The following MGAT4C variants were observed in gnomAD, a reference collection of about 807,000 sequenced individuals.
MGAT4C encodes the protein MGAT4 family member C.
A neutral mutation model predicts 40.1 loss-of-function variants in MGAT4C; 19 were observed. The observed-to-expected ratio is 0.47, with a 90% confidence interval of 0.33 to 0.70. The LOEUF (loss-of-function observed/expected upper bound fraction) is 0.70, where lower values mean the gene tolerates loss of function less well. MGAT4C is among the 30% of genes least tolerant of loss of function. MGAT4C has a pLI of 0.02. For synonymous variants in MGAT4C, 181 were observed against 187.1 expected (o/e 0.97, Z 0.27); for missense variants, 491 against 563.2 (o/e 0.87, Z 1.30).
At chr12:86,429,719 A>AT (rs1956996777) in intron 3 of MGAT4C, among the ~76,000 whole-genome samples, 1 of 151,506 alleles carries the variant, frequency 6.6e-6, no homozygotes, top group Non-Finnish European at 1.5e-5. Flanking sequence ...CTTGTCCTTG[A>AT]TTTTTTATTG....
chr12:86,415,519 ATTGTT>A (rs920910859), intron 3 of MGAT4C, among the ~76,000 whole-genome samples: 1 of 151,996 alleles, frequency 6.6e-6, no homozygotes, highest in African/African-American at 2.4e-5. Flanking sequence ...TGCAGTCTGT[ATTGTT>A]AGGACTTTGA....
intron 1 of MGAT4C, among the ~76,000 whole-genome samples, chr12:86,132,520 G>A (rs1331466857): frequency 1.3e-5 from 2 of 152,042 alleles, no homozygotes; most frequent in African/African-American, 4.8e-5. Flanking sequence ...ACGGCTGGGC[G>A]CGGTGGCTCA....
chr12:86,175,775 C>A (rs1037762715), intron 1 of MGAT4C, among the ~76,000 whole-genome samples: 7 of 114,188 alleles, frequency 6.1e-5, no homozygotes, highest in Non-Finnish European at 1.2e-4. Flanking sequence ...CATGGTGAAA[C>A]CCCGTCTCTA....
intron 1 of MGAT4C, chr12:86,068,584 G>A (rs1435479575): frequency 6.8e-6 from 1 of 147,050 alleles, no homozygotes; most frequent in Non-Finnish European, 1.5e-5. Flanking sequence ...ATAAATATAA[G>A]CATAGCATAT....
At chr12:86,574,960 T>C (rs1960502841) in intron 2 of MGAT4C, among the ~76,000 whole-genome samples, 1 of 151,802 alleles carries the variant, frequency 6.6e-6, no homozygotes, top group Non-Finnish European at 1.5e-5. Context: ...TATACCAGTA[T>C]GCTAAATCAG....
intron 1 of MGAT4C, among the ~76,000 whole-genome samples, chr12:86,763,578 AAAT>A (rs1951443328): frequency 6.6e-6 from 1 of 152,202 alleles, no homozygotes; most frequent in African/African-American, 2.4e-5. Context: ...TACTATACAA[AAAT>A]AATTCATAAT....
At chr12:86,351,327 G>C (rs1955156673) in intron 3 of MGAT4C, among the ~76,000 whole-genome samples, 1 of 151,998 alleles carries the variant, frequency 6.6e-6, no homozygotes, top group Non-Finnish European at 1.5e-5. Context: ...AATAAGTAGA[G>C]ATGGTAGTAG....
chr12:86,745,334 AC>A (rs1448951958), intron 1 of MGAT4C, among the ~76,000 whole-genome samples: 50 of 151,680 alleles, frequency 3.3e-4, no homozygotes, highest in Non-Finnish European at 3.0e-5. Flanking sequence ...TGGAGAATGA[AC>A]AAATTTCTGT....
At chr12:86,762,842 T>C (rs189058987) in intron 1 of MGAT4C, among the ~76,000 whole-genome samples, 4 of 152,322 alleles carry the variant, frequency 2.6e-5, no homozygotes, top group East Asian at 1.9e-4. Flanking sequence ...AAGAGCCATA[T>C]TGATGATGCT....
At chr12:86,283,083 A>G (rs2136120075) in intron 4 of MGAT4C, among the ~76,000 whole-genome samples, 1 of 152,080 alleles carries the variant, frequency 6.6e-6, no homozygotes. Flanking sequence ...CATACCTTCC[A>G]TTGGCAATTA....
intron 2 of MGAT4C, among the ~76,000 whole-genome samples, chr12:86,529,358 A>G (rs1360184831): frequency 1.3e-5 from 2 of 152,068 alleles, no homozygotes; most frequent in Admixed American, 1.3e-4. Flanking sequence ...GTGAGTAAGC[A>G]CCAGTATGAG....
chr12:86,488,751 G>T (rs760005332), intron 2 of MGAT4C, among the ~76,000 whole-genome samples: 1 of 152,054 alleles, frequency 6.6e-6, no homozygotes, highest in Non-Finnish European at 1.5e-5. Flanking sequence ...TTAACATTAA[G>T]ATATATCAGA....
chr12:86,594,481 G>C (rs1961454375), intron 2 of MGAT4C, among the ~76,000 whole-genome samples: 1 of 152,088 alleles, frequency 6.6e-6, no homozygotes, highest in Non-Finnish European at 1.5e-5. Context: ...GCTAAAAGTG[G>C]AATTCTCCTT....
intron 2 of MGAT4C, among the ~76,000 whole-genome samples, chr12:86,704,813 T>C (rs1383305959): frequency 6.6e-6 from 1 of 152,186 alleles, no homozygotes; most frequent in Non-Finnish European, 1.5e-5. Flanking sequence ...CTACTAAGAC[T>C]TAAATGCTTC....
chr12:86,806,155 AAT>A (rs1952348858), intron 1 of MGAT4C, among the ~76,000 whole-genome samples: 1 of 151,840 alleles, frequency 6.6e-6, no homozygotes, highest in South Asian at 2.1e-4. Flanking sequence ...CAATGTATAG[AAT>A]ATATATATTC....
intron 2 of MGAT4C, among the ~76,000 whole-genome samples, chr12:86,474,013 C>G (rs548221260): frequency 3.9e-5 from 6 of 152,150 alleles, no homozygotes; most frequent in African/African-American, 1.4e-4. Flanking sequence ...CCATACTCCC[C>G]TCTGACCCTC....
chr12:86,510,046 C>G (rs1304559345), intron 2 of MGAT4C, among the ~76,000 whole-genome samples: 1 of 152,026 alleles, frequency 6.6e-6, no homozygotes, highest in Admixed American at 6.6e-5. Flanking sequence ...GATTGAATAC[C>G]CTTTATTTCC....
intron 1 of MGAT4C, among the ~76,000 whole-genome samples, chr12:86,204,009 T>C (rs974831585): frequency 3.4e-5 from 5 of 149,222 alleles, no homozygotes; most frequent in Non-Finnish European, 7.4e-5. Flanking sequence ...ATAGCTAACT[T>C]CTAGAGTAAA....
At chr12:86,710,923 G>A (rs927838297) in intron 2 of MGAT4C, among the ~76,000 whole-genome samples, 1 of 152,114 alleles carries the variant, frequency 6.6e-6, no homozygotes. Flanking sequence ...TCTAACTGAA[G>A]TAACTCAGGA....
Sources: allele counts gnomAD v4.1 joint callset (sites outside exome capture counted in the v4.1 genomes callset), GRCh38; gene constraint gnomAD v4.1.1; transcripts MANE v1.5; gene names NCBI Gene and HGNC (gene_info 2026-07-23, HGNC 2026-07-21).